Variants in GALNT2 observed in about 807,000 individuals in gnomAD.
GALNT2 encodes the protein polypeptide N-acetylgalactosaminyltransferase 2, also known as UDP-GalNAc:polypeptide N-acetylgalactosaminyltransferase 2.
GALNT2 carries 31 observed loss-of-function variants against 81.4 expected under a neutral mutation model. That is an observed-to-expected ratio of 0.38 (90% CI 0.29 to 0.51). GALNT2 has a LOEUF of 0.51. Among genes scored for constraint, GALNT2 ranks in the 20% least tolerant of loss-of-function variants. The pLI is 0.87. For synonymous variants in GALNT2, 303 were observed against 287.4 expected, an observed-to-expected ratio of 1.05 and a Z score of -0.55; for missense variants, 629 against 765.7, an observed-to-expected ratio of 0.82 and a Z score of 2.11.
chr1:230,180,111 G>A (rs543437967), intron 2 of GALNT2, among the ~76,000 whole-genome samples: 4 of 152,162 alleles, frequency 2.6e-5, no homozygotes, highest in African/African-American at 7.2e-5. Flanking sequence ...TAGAGACAGC[G>A]TTTTGCCATG....
chr1:230,068,607 G>C (rs910113225), intron 1 of GALNT2, among the ~76,000 whole-genome samples: 1 of 152,200 alleles, frequency 6.6e-6, no homozygotes, highest in African/African-American at 2.4e-5. Flanking sequence ...CAGTTCTGAA[G>C]TCAGACCCCT....
chr1:230,099,448 G>A (rs1388489916), intron 1 of GALNT2, among the ~76,000 whole-genome samples: 1 of 152,162 alleles, frequency 6.6e-6, no homozygotes, highest in Non-Finnish European at 1.5e-5. Flanking sequence ...CACCAATGGT[G>A]TTTCATGAAT....
At chr1:230,196,814 A>G (rs1365078427) in intron 2 of GALNT2, among the ~76,000 whole-genome samples, 2 of 152,046 alleles carry the variant, frequency 1.3e-5, no homozygotes, top group African/African-American at 4.8e-5. Flanking sequence ...AGAGCAGGAG[A>G]AAATGGTAAA....
intron 1 of GALNT2, among the ~76,000 whole-genome samples, chr1:230,146,305 G>T (rs1040841542): frequency 1.3e-5 from 2 of 152,240 alleles, no homozygotes; most frequent in African/African-American, 4.8e-5. Context: ...CCAGGTCTGA[G>T]AACTTGTTCG....
intron 2 of GALNT2, among the ~76,000 whole-genome samples, chr1:230,186,133 G>A (rs532330456): frequency 2.6e-5 from 4 of 152,338 alleles, no homozygotes; most frequent in African/African-American, 4.8e-5. Flanking sequence ...CTGGACGTCC[G>A]TTTATGAAGT....
At chr1:230,078,865 A>G (rs1659644444) in intron 1 of GALNT2, among the ~76,000 whole-genome samples, 1 of 152,196 alleles carries the variant, frequency 6.6e-6, no homozygotes, top group Admixed American at 6.5e-5. Context: ...GTATAGTGGC[A>G]TGATCATGAT....
At chr1:230,274,675 C>G (rs1666238846) in intron 15 of GALNT2, 111 bp downstream of exon 15, 1 of 1,298,094 alleles carries the variant, frequency 7.7e-7, no homozygotes, top group Admixed American at 2.6e-5. Context: ...TCTGCGTGTA[C>G]TTATGTGTTC....
intron 2 of GALNT2, among the ~76,000 whole-genome samples, chr1:230,185,650 T>A (rs754350368): frequency 3.2e-4 from 49 of 152,354 alleles, no homozygotes; most frequent in Non-Finnish European, 6.2e-4. Flanking sequence ...TTTCTCCCGA[T>A]GGCAGGCCTT....
Position 230,236,470 on chromosome 1 carries a change from C to T in GALNT2, c.541+50C>T, listed in dbSNP as rs768740122. Reference sequence around the variant, plus strand: ...CCTGTGTCTGGCTCTTCTCTGGGCACCAGTCTTCCTGTAGTGGGGGTGCTA... The same window carrying T: ...CCTGTGTCTGGCTCTTCTCTGGGCATCAGTCTTCCTGTAGTGGGGGTGCTA... On this transcript the variant is annotated intron_variant, in intron 5 of 15. Coordinates refer to ENST00000366672, the MANE Select transcript of GALNT2 (RefSeq NM_004481.5). 3 of 1,580,604 alleles carry T rather than the reference C, an allele frequency of 1.9e-6. No homozygotes were observed. In the Admixed American group the frequency reaches 5.0e-5, roughly 27 times the overall value.
rs775030987 is a variant in GALNT2 at position 230,195,252 on chromosome 1, CTG to C, written c.221-7881_221-7880del. ...AGAGCAGGAACAAACACCATTGTCT[CTG>C]TGTTTGTTGCTGTGTTCAGTGGCAG... On this transcript the variant is annotated intron_variant, in intron 2 of 15. Coordinates refer to ENST00000366672, the MANE Select transcript of GALNT2 (RefSeq NM_004481.5). 3.9e-4 allele frequency among the ~76,000 whole-genome samples: 60 copies of C among 152,296 alleles called. 1 individual carries two copies. The highest frequency in any genetic ancestry group is 7.8e-4 in the Non-Finnish European group (53 of 68,024).
At chr1:230,105,375 A>G (rs1571967227) in intron 1 of GALNT2, among the ~76,000 whole-genome samples, 1 of 152,282 alleles carries the variant, frequency 6.6e-6, no homozygotes, top group East Asian at 1.9e-4. Context: ...TTGTCGCACC[A>G]TATCATTGAT....
chr1:230,089,262 T>G (rs563958748), intron 1 of GALNT2, among the ~76,000 whole-genome samples: 1 of 151,880 alleles, frequency 6.6e-6, no homozygotes, highest in African/African-American at 2.4e-5. Flanking sequence ...TTCTTCTGCC[T>G]TAGCCTCCTG....
rs1660324198 is a variant in GALNT2, at chr1:230,098,874, T to C, written c.126+31468T>C. On this transcript the variant is annotated intron_variant, in intron 1 of 15. Transcript: ENST00000366672. ...ACTGTATGCCAGGAGTTGACCATGATGTGTTATGAGGCACTGGGGAATTCA... is the reference window on the plus strand; with the variant it reads ...ACTGTATGCCAGGAGTTGACCATGACGTGTTATGAGGCACTGGGGAATTCA... Among the ~76,000 whole-genome samples the C allele has an allele frequency of 3.3e-5, 5 of 152,170 alleles. No homozygotes were observed. In the South Asian group the frequency reaches 1.0e-3, roughly 32 times the overall value.
chr1:230,090,336 T>G (rs575678575), intron 1 of GALNT2, among the ~76,000 whole-genome samples: 40 of 152,240 alleles, frequency 2.6e-4, no homozygotes, highest in African/African-American at 8.4e-4. Flanking sequence ...TGGGGGAAAA[T>G]AAACATAACC....
intron 6 of GALNT2, among the ~76,000 whole-genome samples, chr1:230,242,802 G>T (rs933420433): frequency 7.2e-5 from 11 of 152,186 alleles, no homozygotes; most frequent in African/African-American, 2.7e-4. Flanking sequence ...AACTAATTTT[G>T]TGTAAAAGGC....
At chr1:230,277,686 TC>T (rs1466598294) in intron 15 of GALNT2, among the ~76,000 whole-genome samples, 1 of 152,188 alleles carries the variant, frequency 6.6e-6, no homozygotes, top group Admixed American at 6.5e-5. Context: ...AGTGACAACA[TC>T]CTTGTGGTGT....
chr1:230,275,109 CAT>C lies in GALNT2; in HGVS notation c.1560+553_1560+554del, dbSNP rs976343130. 3.2e-4 allele frequency among the ~76,000 whole-genome samples: 44 copies of C among 139,078 alleles called. No individual in the cohort carries two copies. The highest frequency in any genetic ancestry group is 1.3e-3 in the African/African-American group (40 of 30,444). The allele number at this position is 139,078 out of a possible 152,430, so 91.2% of individuals were successfully genotyped here. ...CATATATATACATGTATACACACCA[CAT>C]ATATATACATATATATACACACCAC... On this transcript the variant is annotated intron_variant, in intron 15 of 15. Transcript: ENST00000366672. This position sits in a 1 kb window ranked among gnomAD's most constrained non-coding sequence, Gnocchi z 5.5.
upstream of GALNT2, among the ~76,000 whole-genome samples, chr1:230,063,682 C>T (rs1359079839): frequency 6.6e-6 from 1 of 152,184 alleles, no homozygotes; most frequent in Non-Finnish European, 1.5e-5. Context: ...AATGATTTTA[C>T]TTTGCAGATC....
intron 1 of GALNT2, among the ~76,000 whole-genome samples, chr1:230,167,718 G>A (rs974108073): frequency 6.6e-6 from 1 of 152,190 alleles, no homozygotes; most frequent in Admixed American, 6.5e-5. Context: ...AAGGGGCGGT[G>A]GAGCAGCACG....
Sources: gnomAD v4.1 joint callset for allele counts (sites outside exome capture counted in the v4.1 genomes callset) on GRCh38, gnomAD v4.1.1 for gene constraint, Gnocchi (gnomAD v3.1) non-coding constraint, MANE v1.5 for transcripts, NCBI Gene and HGNC (gene_info 2026-07-23, HGNC 2026-07-21) for gene names.